A2M: variants seen among roughly 807,000 people sequenced by gnomAD.
The protein encoded by A2M is alpha-2-macroglobulin, also known as C3 and PZP-like alpha-2-macroglobulin domain-containing protein 5.
In A2M, 128 loss-of-function variants were observed where a neutral mutation model predicts 183.9. The observed-to-expected ratio is 0.70, with a 90% CI of 0.60 to 0.81. A2M has a LOEUF of 0.81. Among genes scored for constraint, A2M ranks in the 30% least tolerant of loss-of-function variants. A2M has a pLI of 0.00. For synonymous variants in A2M, 592 were observed against 670.8 expected (o/e 0.88, Z 1.81); for missense variants, 1,495 against 1,787.6 (o/e 0.84, Z 2.95).
At position 9,079,324 on chromosome 12, in the gene A2M, C is replaced by T. The variant is rs1163831813; in HGVS notation, c.3039G>A (p.Gln1013=). 1 of 1,613,568 alleles carries T rather than the reference C, an allele frequency of 6.2e-7. No individual in the cohort carries two copies. Among genetic ancestry groups the T allele is most frequent in the Admixed American group, 1.7e-5 (1 of 59,958 alleles). ...CATAGTGTTTGTAGTTCAACTGTCT[C>T]TGGTAACCTGGAAAGGAAGATTAAC... ...KAIGYLNTGY[Q]RQLNYKHYDG... is the part of the protein sequence containing the mutation. The change falls in exon 25 of 36, where the codon CAG becomes CAA. Residue 1013 remains glutamine, a synonymous_variant. Coordinates refer to ENST00000318602, the MANE Select transcript of A2M (RefSeq NM_000014.6).
At chr12:9,114,128 A>G (rs1938947533) in intron 1 of A2M, among the ~76,000 whole-genome samples, 1 of 152,184 alleles carries the variant, frequency 6.6e-6, no homozygotes, top group Non-Finnish European at 1.5e-5. Flanking sequence ...GTGTTACCTA[A>G]CCATGGATGT....
chr12:9,084,276 G>C (rs573939627), intron 22 of A2M, among the ~76,000 whole-genome samples: 2 of 152,014 alleles, frequency 1.3e-5, no homozygotes, highest in Admixed American at 1.3e-4. Flanking sequence ...AAGTAATATA[G>C]AGCCATATTC....
chr12:9,114,015 A>G (rs16918015), intron 1 of A2M, among the ~76,000 whole-genome samples: 2,396 of 152,294 alleles, frequency 0.016, 57 homozygotes, highest in African/African-American at 0.053. Context: ...ATTGTATGGT[A>G]AGCACTCGCT....
In A2M at chr12:9,107,581, G is replaced by A. The variant is rs202126909; in HGVS notation, c.822C>T (p.Asp274=). The A allele has an allele frequency of 1.2e-3, 1,880 of 1,613,968 alleles. No homozygotes were observed. The highest frequency in any genetic ancestry group is 1.5e-3 in the Non-Finnish European group (1,742 of 1,179,872). Residue 274 remains aspartate (D), a synonymous_variant, in exon 8 of 36, where the codon GAC becomes GAT. Transcript: ENST00000318602. ...AATCTTCACCGTGGCAGTCGGAAGC[G>A]TCACTATACTTTCTGCAAATGCTCA... ...VTVSICRKYS[D]ASDCHGEDSQ...
chr12:9,103,015 A>G (rs1259944920), intron 11 of A2M, among the ~76,000 whole-genome samples: 2 of 152,198 alleles, frequency 1.3e-5, no homozygotes, highest in Non-Finnish European at 2.9e-5. Context: ...ACATGTCTAC[A>G]TCTCTCTTGA....
At position 9,107,445 on chromosome 12, in the gene A2M, G is replaced by A. The variant is rs535796679; in HGVS notation, c.879+79C>T. The A allele has an allele frequency of 4.1e-4, 625 of 1,537,582 alleles. 4 individuals carry two copies. In the South Asian group the frequency reaches 6.4e-3, roughly 16 times the overall value. On this transcript the variant is annotated intron_variant, in intron 8 of 35. Transcript: ENST00000318602. ...CTCTTCTAGATTGTTCTCTTCCTGC[G>A]TCAGAAAAATGCTGCAACTCACTGC...
intron 33 of A2M, 32 bp downstream of exon 33, chr12:9,069,713 T>G: frequency 6.4e-7 from 1 of 1,573,734 alleles, no homozygotes; most frequent in Admixed American, 1.7e-5. Flanking sequence ...ATTATCTACG[T>G]TTTTTTGCAA....
chr12:9,068,118 G>T (rs1193385498), intron 35 of A2M, 65 bp downstream of exon 35: 1 of 1,541,592 alleles, frequency 6.5e-7, no homozygotes, highest in Non-Finnish European at 8.9e-7. Context: ...TTTTATGAAG[G>T]AGAAGGTTTG....
At chr12:9,102,383 T>G (rs190409283) in intron 11 of A2M, among the ~76,000 whole-genome samples, 1 of 152,054 alleles carries the variant, frequency 6.6e-6, no homozygotes, top group Non-Finnish European at 1.5e-5. Flanking sequence ...CCCAGCTAAT[T>G]TTTTGTATAT....
At chr12:9,100,599 C>T (rs751615209) in intron 13 of A2M, among the ~76,000 whole-genome samples, 6 of 151,728 alleles carry the variant, frequency 4.0e-5, no homozygotes, top group South Asian at 2.1e-4. Flanking sequence ...TTTTAAATAA[C>T]GCAAAGAAAA....
Position 9,094,097 on chromosome 12 carries a change from AG to A in A2M, c.2126-519del, listed in dbSNP as rs775727780. Among the ~76,000 whole-genome samples the A allele has an allele frequency of 4.0e-3, 603 of 152,090 alleles. 4 individuals are homozygous for A. The highest frequency in any genetic ancestry group is 0.014 in the African/African-American group (568 of 41,470). ...AGTGTTATGACACAAGGCCGTGAAG[AG>A]GGGCAGGAATCCAAGTTTCCATTGG... On this transcript the variant is annotated intron_variant, in intron 17 of 35. Transcript: ENST00000318602.
In A2M at chr12:9,079,282, G is replaced by A. The variant is rs748812850; in HGVS notation, c.3081C>T (p.Thr1027=). ...NYKHYDGSYS[T]FGERYGRNQG... is the part of the protein sequence containing the mutation. ...GGTTCCTGCCATATCGCTCCCCAAAGGTGCTGTAGGAGCCATCATAGTGTT... is the reference window on the plus strand; with the variant it reads ...GGTTCCTGCCATATCGCTCCCCAAAAGTGCTGTAGGAGCCATCATAGTGTT... Residue 1027 remains threonine (T), a synonymous_variant, in exon 25 of 36, where the codon ACC becomes ACT. Coordinates refer to ENST00000318602, the MANE Select transcript of A2M (RefSeq NM_000014.6). The A allele has an allele frequency of 2.0e-5, 33 of 1,613,588 alleles. No homozygotes were observed. The highest frequency in any genetic ancestry group is 3.3e-5 in the Admixed American group (2 of 59,980).
chr12:9,103,579 C>A (rs1474661212), intron 11 of A2M, among the ~76,000 whole-genome samples: 1 of 152,078 alleles, frequency 6.6e-6, no homozygotes, highest in Non-Finnish European at 1.5e-5. Flanking sequence ...TCTCTCTTTC[C>A]CTAGCCCTTG....
intron 17 of A2M, 32 bp downstream of exon 17, chr12:9,094,941 A>G: frequency 8.3e-7 from 1 of 1,199,194 alleles, no homozygotes; most frequent in South Asian, 1.7e-5. Context: ...TGAATATATT[A>G]GGCAATATAT....
intron 16 of A2M, among the ~76,000 whole-genome samples, 189 bp downstream of exon 16, chr12:9,095,350 T>C (rs1949341539): frequency 1.3e-5 from 2 of 152,210 alleles, no homozygotes; most frequent in Non-Finnish European, 2.9e-5. Context: ...ACTTGAATAA[T>C]ACTCCAAAAA....
At chr12:9,090,600 T>C in intron 19 of A2M, 118 bp from the exon 20 acceptor site, 1 of 1,065,416 alleles carries the variant, frequency 9.4e-7, no homozygotes, top group Non-Finnish European at 1.4e-6. Context: ...TTAAAGATGA[T>C]ATAAATGAAG....
At chr12:9,113,329 C>T (rs1288440661) in intron 2 of A2M, 31 bp downstream of exon 2, 5 of 1,607,142 alleles carry the variant, frequency 3.1e-6, no homozygotes, top group African/African-American at 2.7e-5. Flanking sequence ...CTAAAAGAAC[C>T]AAGTATATTA....
At chr12:9,071,013 T>G (rs1253889298) in intron 31 of A2M, among the ~76,000 whole-genome samples, 1 of 151,978 alleles carries the variant, frequency 6.6e-6, no homozygotes, top group Non-Finnish European at 1.5e-5. Flanking sequence ...ACAGACGGGG[T>G]TTCTCCATGT....
intron 24 of A2M, 63 bp downstream of exon 24, chr12:9,079,576 A>G (rs1450136476): frequency 1.4e-6 from 2 of 1,477,148 alleles, no homozygotes; most frequent in Non-Finnish European, 1.9e-6. Context: ...AAGTAACTGA[A>G]ACCTACTGGG....
Sources: allele counts gnomAD v4.1 joint callset (sites outside exome capture counted in the v4.1 genomes callset), GRCh38; gene constraint gnomAD v4.1.1; transcripts MANE v1.5; gene names NCBI Gene and HGNC (gene_info 2026-07-23, HGNC 2026-07-21).